KIZ: variants seen among roughly 807,000 people sequenced by gnomAD.
KIZ encodes centrosomal protein kizuna.
In KIZ, 68 loss-of-function variants were observed where a neutral mutation model predicts 79.6. The observed-to-expected ratio is 0.85, with a 90% confidence interval of 0.70 to 1.05. The LOEUF (loss-of-function observed/expected upper bound fraction) is 1.05. Ranked by LOEUF, KIZ falls within the 50% of genes least tolerant of loss-of-function variation. KIZ has a pLI of 0.00. For missense variants in KIZ, 797 were observed against 800.4 expected (o/e 1.00, Z 0.05); for synonymous variants, 280 against 281.8 (o/e 0.99, Z 0.06).
intron 9 of KIZ, among the ~76,000 whole-genome samples, chr20:21,225,897 C>T (rs1438084303): frequency 1.3e-5 from 2 of 152,166 alleles, no homozygotes; most frequent in African/African-American, 2.4e-5. Flanking sequence ...ATACAGACAG[C>T]CCCTTAAAAA....
chr20:21,183,414 A>G (rs2034740795), intron 6 of KIZ, among the ~76,000 whole-genome samples: 1 of 152,216 alleles, frequency 6.6e-6, no homozygotes, highest in Admixed American at 6.5e-5. Flanking sequence ...CAGTTAAAAA[A>G]AGAATCTCTT....
At position 21,214,566 on chromosome 20, in the gene KIZ, A is replaced by C; in HGVS notation, c.1478A>C (p.Glu493Ala). The change falls in exon 8 of 13, where the codon GAA becomes GCA. Residue 493 changes from glutamate to alanine, a missense_variant. Transcript: ENST00000619189. ...GCATTATTGAGAAAAGCCCTTACAG[A>C]AGAGTGTGGCCGTAGGTCAGCTATT... ...ATALLRKALT[E>A]ECGRRSAIHS... 1 of 1,613,668 alleles carries C rather than the reference A, an allele frequency of 6.2e-7. No homozygotes were observed. Among genetic ancestry groups the C allele is most frequent in the Non-Finnish European group, 8.5e-7 (1 of 1,179,656 alleles).
chr20:21,126,158 G>A lies in KIZ; in HGVS notation c.43G>A (p.Asp15Asn), dbSNP rs1399085307. ...LASAVPLSSP[D>N]YYERLGQLQH... ...ATCGGCCGTGCCCCTGTCGAGTCCC[G>A]ACTACTACGAGAGGCTGGGCCAACT... The change falls in exon 1 of 13, where the codon GAC (aspartate) becomes AAC (asparagine). Residue 15 changes from aspartate to asparagine, a missense_variant. Transcript: ENST00000619189. The A allele has an allele frequency of 1.3e-6, 2 of 1,510,326 alleles. No individual in the cohort carries two copies. Among genetic ancestry groups the A allele is most frequent in the South Asian group, 2.5e-5 (2 of 80,574 alleles). The allele number at this position is 1,510,326 out of a possible 1,614,324, so 93.6% of individuals were successfully genotyped here. A position where few individuals can be genotyped will look rare whatever the true frequency, so the allele number is the denominator to read the frequency against.
intron 3 of KIZ, among the ~76,000 whole-genome samples, chr20:21,141,819 ACACACTCTCTCTCT>A (rs1354465241): frequency 7.0e-6 from 1 of 142,304 alleles, no homozygotes; most frequent in East Asian, 2.1e-4. Flanking sequence ...ACACACACAC[ACACACTCTCTCTCT>A]CTCTCTCTCT....
intron 6 of KIZ, chr20:21,198,680 C>G (rs1434292935): frequency 2.6e-5 from 4 of 152,494 alleles, no homozygotes; most frequent in Non-Finnish European, 5.9e-5. Flanking sequence ...TTAAAGGGAC[C>G]CTGTCACAAG....
At chr20:21,210,144 C>G (rs1281304351) in intron 7 of KIZ, among the ~76,000 whole-genome samples, 2 of 151,916 alleles carry the variant, frequency 1.3e-5, no homozygotes, top group Non-Finnish European at 2.9e-5. Context: ...CCTGTCTTTA[C>G]TAAAAATAGA....
chr20:21,230,273 G>A (rs1304738293), intron 10 of KIZ, among the ~76,000 whole-genome samples: 2 of 152,176 alleles, frequency 1.3e-5, no homozygotes, highest in Non-Finnish European at 2.9e-5. Flanking sequence ...CCAGGAGTGC[G>A]AGACCAGCCT....
Position 21,211,600 on chromosome 20 carries a change from C to T in KIZ, c.1447-2935C>T, listed in dbSNP as rs151254582. Among the ~76,000 whole-genome samples, 82 of 152,258 alleles carry T rather than the reference C, an allele frequency of 5.4e-4. No individual in the cohort carries two copies. In the East Asian group the frequency reaches 0.014, roughly 26 times the overall value. On this transcript the variant is annotated intron_variant, in intron 7 of 12. Transcript: ENST00000619189. ...TTTTCAGAGAATTAGCTCCAATTTG[C>T]AGAACCCATTTAGTCCCAGCATGAG...
intron 6 of KIZ, among the ~76,000 whole-genome samples, chr20:21,183,941 A>G (rs1333500850): frequency 3.3e-5 from 5 of 152,122 alleles, no homozygotes; most frequent in Admixed American, 3.3e-4. Flanking sequence ...AGAGGCTGTC[A>G]TTGGCTCTGA....
At chr20:21,218,953 A>G (rs2036403149) in intron 9 of KIZ, among the ~76,000 whole-genome samples, 2 of 152,208 alleles carry the variant, frequency 1.3e-5, no homozygotes, top group Admixed American at 1.3e-4. Flanking sequence ...GGCGCCCAGA[A>G]GTGCTATTCT....
At chr20:21,194,285 G>A (rs1231233420) in intron 6 of KIZ, 1 of 152,206 alleles carries the variant, frequency 6.6e-6, no homozygotes, top group Non-Finnish European at 1.5e-5. Flanking sequence ...GGTGATGGTA[G>A]GGCTAGCATG....
At chr20:21,246,434 C>G (rs751540037) in intron 12 of KIZ, 45 bp from the exon 13 acceptor site, 2 of 1,240,226 alleles carry the variant, frequency 1.6e-6, no homozygotes, top group Admixed American at 3.6e-5. Flanking sequence ...AAGCTCTTAA[C>G]CAGAATGCAA....
At chr20:21,174,840 A>G (rs2034367644) in intron 6 of KIZ, among the ~76,000 whole-genome samples, 1 of 152,242 alleles carries the variant, frequency 6.6e-6, no homozygotes. Flanking sequence ...AAGTTATTGC[A>G]TCTGAGAAAA....
intron 6 of KIZ, among the ~76,000 whole-genome samples, chr20:21,177,504 A>G (rs895346543): frequency 6.6e-6 from 1 of 152,036 alleles, no homozygotes; most frequent in Non-Finnish European, 1.5e-5. Context: ...TGTGTTTTGC[A>G]AATATTTTCT....
chr20:21,236,073 A>C (rs1391101930), intron 11 of KIZ, among the ~76,000 whole-genome samples: 1 of 152,238 alleles, frequency 6.6e-6, no homozygotes, highest in Non-Finnish European at 1.5e-5. Flanking sequence ...CAGCTTCCTA[A>C]ATATGTCACG....
At chr20:21,144,562 C>T (rs1268178976) in intron 3 of KIZ, among the ~76,000 whole-genome samples, 2 of 152,050 alleles carry the variant, frequency 1.3e-5, no homozygotes, top group African/African-American at 2.4e-5. Flanking sequence ...AGAATTACTG[C>T]CATCTATCAT....
intron 11 of KIZ, among the ~76,000 whole-genome samples, chr20:21,243,086 C>T (rs548383879): frequency 6.6e-6 from 1 of 152,182 alleles, no homozygotes; most frequent in East Asian, 1.9e-4. Context: ...AAAATGGGTT[C>T]TTGCAGGCTC....
At chr20:21,164,084 C>T (rs1026889672) in intron 6 of KIZ, among the ~76,000 whole-genome samples, 3 of 152,170 alleles carry the variant, frequency 2.0e-5, no homozygotes, top group African/African-American at 4.8e-5. Flanking sequence ...ACACCACTGC[C>T]CCACCCCCAG....
At chr20:21,172,145 G>GT (rs1187109801) in intron 6 of KIZ, among the ~76,000 whole-genome samples, 1 of 152,188 alleles carries the variant, frequency 6.6e-6, no homozygotes, top group African/African-American at 2.4e-5. Flanking sequence ...TTTTGAGGTA[G>GT]TTTTTTATTA....
Sources: gnomAD v4.1 joint callset for allele counts (sites outside exome capture counted in the v4.1 genomes callset) on GRCh38, gnomAD v4.1.1 for gene constraint, MANE v1.5 for transcripts, NCBI Gene and HGNC (gene_info 2026-07-23, HGNC 2026-07-21) for gene names.